The following GRM1 variants were observed in gnomAD, a reference collection of about 807,000 sequenced individuals.
GRM1 encodes glutamate metabotropic receptor 1, also known as metabotropic glutamate receptor 1.
In GRM1, 33 loss-of-function variants were observed where a neutral mutation model predicts 90.9. The ratio of observed to expected loss-of-function variants is 0.36; its 90% CI spans 0.28 to 0.49. The LOEUF (loss-of-function observed/expected upper bound fraction) is 0.49, where lower values mean the gene tolerates loss of function less well. GRM1 is among the 20% of genes least tolerant of loss of function. The pLI is 0.99. For synonymous variants in GRM1, 700 were observed against 613.2 expected (o/e 1.14, Z -2.09); for missense variants, 1,190 against 1,534.3 (o/e 0.78, Z 3.75).
intron 1 of GRM1, among the ~76,000 whole-genome samples, chr6:146,076,053 A>G (rs1240714228): frequency 6.6e-6 from 1 of 152,244 alleles, no homozygotes; most frequent in African/African-American, 2.4e-5. Flanking sequence ...AGTTCAATCT[A>G]TAACTATGAG....
At chr6:146,149,987 A>C (rs1204369372) in intron 1 of GRM1, among the ~76,000 whole-genome samples, 2 of 152,140 alleles carry the variant, frequency 1.3e-5, no homozygotes, top group Non-Finnish European at 2.9e-5. Context: ...CTCACCTCTG[A>C]CTGACCAGAC....
At chr6:146,425,825 A>AG (rs397951216) in intron 7 of GRM1, among the ~76,000 whole-genome samples, 1 of 36,344 alleles carries the variant, frequency 2.8e-5, no homozygotes, top group Non-Finnish European at 6.4e-5. Context: ...AAATGCACTT[A>AG]TCCTTATTCC....
In GRM1 at chr6:146,434,163, C is replaced by G; in HGVS notation, c.2952C>G (p.Ser984Arg). 1 of 1,613,726 alleles carries G rather than the reference C, an allele frequency of 6.2e-7. No individual in the cohort carries two copies. Among genetic ancestry groups the G allele is most frequent in the Non-Finnish European group, 8.5e-7 (1 of 1,179,674 alleles). ...TGGTGGTGCACAGGCGCGTGCCAAG[C>G]GCGGCGACCACTCCGCCTCTGCCGT... Reference protein sequence around the residue: ...PSMVVHRRVPSAATTPPLPSH... With the variant: ...PSMVVHRRVPRAATTPPLPSH... Residue 984 changes from serine (S) to arginine (R), a missense_variant, in exon 8 of 8, where the codon AGC becomes AGG. Physicochemically the swap from Ser to Arg is moderately radical, Grantham distance 110 (BLOSUM62 -1). Coordinates refer to ENST00000282753, the MANE Select transcript of GRM1 (RefSeq NM_001278064.2).
chr6:146,245,973 C>G, intron 2 of GRM1, among the ~76,000 whole-genome samples: 1 of 152,282 alleles, frequency 6.6e-6, no homozygotes. Context: ...TTCCACAGTT[C>G]CTGCTGTTAA....
rs1776401055 is a variant in GRM1, at chr6:146,131,619, A to G, written c.701-27729A>G. On this transcript the variant is annotated intron_variant, in intron 1 of 7. Coordinates refer to ENST00000282753, the MANE Select transcript of GRM1 (RefSeq NM_001278064.2). ...GGACAAAGAGTTTGTCCAGCAGACT[A>G]ATCATATATTTGCTGACTGAATTGG... Among the ~76,000 whole-genome samples, 3 of 152,146 alleles carry G rather than the reference A, an allele frequency of 2.0e-5. 1 individual carries two copies. The South Asian group carries it at 6.2e-4, about 32-fold the overall frequency.
At chr6:146,275,701 T>C (rs1354825000) in intron 2 of GRM1, among the ~76,000 whole-genome samples, 1 of 152,206 alleles carries the variant, frequency 6.6e-6, no homozygotes, top group Non-Finnish European at 1.5e-5. Context: ...AAATTCATTT[T>C]TTCTGCTCTA....
intron 6 of GRM1, among the ~76,000 whole-genome samples, chr6:146,391,538 C>T (rs1776722925): frequency 6.6e-6 from 1 of 151,948 alleles, no homozygotes; most frequent in African/African-American, 2.4e-5. Flanking sequence ...AACAAACACA[C>T]CTGGAGGTTG....
In GRM1 at chr6:146,435,032, T is replaced by C; in HGVS notation, c.*236T>C. The C allele has an allele frequency of 1.7e-6, 1 of 601,628 alleles. No homozygotes were observed. Among genetic ancestry groups the C allele is most frequent in the Non-Finnish European group, 3.0e-6 (1 of 337,902 alleles). 37.3% of individuals were successfully genotyped at this position (601,628 alleles called of 1,614,324 possible). ...GATTCTTGAATTACTCGAAGCCTTCTCTGGGAAGAAAGGGAATTCTGACAA... is the reference window on the plus strand; with the variant it reads ...GATTCTTGAATTACTCGAAGCCTTCCCTGGGAAGAAAGGGAATTCTGACAA... On this transcript the variant is annotated 3_prime_UTR_variant, in exon 8 of 8. Coordinates refer to ENST00000282753, the MANE Select transcript of GRM1 (RefSeq NM_001278064.2).
intron 1 of GRM1, among the ~76,000 whole-genome samples, chr6:146,087,439 C>G (rs913792487): frequency 6.6e-6 from 1 of 152,066 alleles, no homozygotes; most frequent in Non-Finnish European, 1.5e-5. Context: ...TTTACGTGCA[C>G]TTGTGTGTGT....
chr6:146,373,263 G>A (rs1206664488), intron 5 of GRM1, among the ~76,000 whole-genome samples: 1 of 152,106 alleles, frequency 6.6e-6, no homozygotes, highest in Admixed American at 6.6e-5. Flanking sequence ...ACCTGCCACT[G>A]GGTAATTTAT....
rs192765077 is a variant in GRM1, at chr6:146,160,656, C to T, written c.950+1059C>T. On this transcript the variant is annotated intron_variant, in intron 2 of 7. Coordinates refer to ENST00000282753, the MANE Select transcript of GRM1 (RefSeq NM_001278064.2). ...TAGGTAGTACTGGTGTGGACATGCT[C>T]ACTGGACCTTTCCCTTTTGTCCTTG... 7.2e-5 allele frequency among the ~76,000 whole-genome samples: 11 copies of T among 152,250 alleles called. No homozygotes were observed. In the East Asian group the frequency reaches 1.2e-3, roughly 16 times the overall value.
At chr6:146,158,443 T>G (rs1015010785) in intron 1 of GRM1, among the ~76,000 whole-genome samples, 1 of 148,728 alleles carries the variant, frequency 6.7e-6, no homozygotes, top group Non-Finnish European at 1.5e-5. Context: ...TCAGAGGTAT[T>G]AGAAACATCT....
chr6:146,329,552 T>C (rs1313261466), intron 3 of GRM1, among the ~76,000 whole-genome samples: 1 of 152,164 alleles, frequency 6.6e-6, no homozygotes, highest in Non-Finnish European at 1.5e-5. Flanking sequence ...CAAAGATGTA[T>C]AGATAGAAAG....
upstream of GRM1, among the ~76,000 whole-genome samples, chr6:146,028,262 TG>T (rs1161487446): frequency 6.6e-6 from 1 of 150,610 alleles, no homozygotes; most frequent in Non-Finnish European, 1.5e-5. Context: ...TGTGTGTGTG[TG>T]TGTGTGTGTG....
At chr6:146,148,533 A>G (rs1470012497) in intron 1 of GRM1, among the ~76,000 whole-genome samples, 5 of 152,138 alleles carry the variant, frequency 3.3e-5, no homozygotes, top group Admixed American at 3.3e-4. Flanking sequence ...ATTTTTATAA[A>G]TACATACCAA....
At position 146,265,916 on chromosome 6, in the gene GRM1, A is replaced by C. The variant is rs940235474; in HGVS notation, c.951-38695A>C. ...AAAAAAATACATATTAGAGGCTGGGAGTGGTGGCTCACGCCTGTAATCCCA... is the reference window on the plus strand; with the variant it reads ...AAAAAAATACATATTAGAGGCTGGGCGTGGTGGCTCACGCCTGTAATCCCA... On this transcript the variant is annotated intron_variant, in intron 2 of 7. Transcript: ENST00000282753. 1.1e-4 allele frequency among the ~76,000 whole-genome samples: 16 copies of C among 152,198 alleles called. No homozygotes were observed. In the South Asian group the frequency reaches 3.3e-3, roughly 32 times the overall value.
intron 1 of GRM1, among the ~76,000 whole-genome samples, chr6:146,120,016 A>G (rs1438671485): frequency 2.0e-5 from 3 of 152,186 alleles, no homozygotes; most frequent in African/African-American, 7.2e-5. Context: ...CATTGAATCT[A>G]TAAATTACCT....
At chr6:146,172,501 A>G (rs1456548992) in intron 2 of GRM1, among the ~76,000 whole-genome samples, 1 of 152,226 alleles carries the variant, frequency 6.6e-6, no homozygotes, top group Non-Finnish European at 1.5e-5. Context: ...TATTTTGAGC[A>G]GAAGGTCAAA....
At chr6:146,040,242 A>G (rs912156143) in intron 1 of GRM1, among the ~76,000 whole-genome samples, 1 of 152,016 alleles carries the variant, frequency 6.6e-6, no homozygotes, top group Non-Finnish European at 1.5e-5. Context: ...CTGATGGGTA[A>G]AAGAGGAAGA....
Sources: gnomAD v4.1 joint callset for allele counts (sites outside exome capture counted in the v4.1 genomes callset) on GRCh38, gnomAD v4.1.1 for gene constraint, MANE v1.5 for transcripts, NCBI Gene and HGNC (gene_info 2026-07-23, HGNC 2026-07-21) for gene names.